The following BCAR1 variants were observed in gnomAD, a reference collection of about 807,000 sequenced individuals.
The protein encoded by BCAR1 is BCAR1 scaffold protein, Cas family member.
In BCAR1, 30 loss-of-function variants were observed where a neutral mutation model predicts 67.6. The observed-to-expected ratio is 0.44, with a 90% CI of 0.33 to 0.60. The LOEUF (loss-of-function observed/expected upper bound fraction) is 0.60, where lower values mean the gene tolerates loss of function less well. Among genes scored for constraint, BCAR1 ranks in the 20% least tolerant of loss-of-function variants. BCAR1 has a pLI of 0.02. For missense variants in BCAR1, 1,313 were observed against 1,222.3 expected, an observed-to-expected ratio of 1.07 and a Z score of -1.11; for synonymous variants, 626 against 556.7, an observed-to-expected ratio of 1.12 and a Z score of -1.75.
intron 2 of BCAR1, among the ~76,000 whole-genome samples, chr16:75,241,278 T>C (rs2077330951): frequency 6.6e-6 from 1 of 152,172 alleles, no homozygotes; most frequent in Non-Finnish European, 1.5e-5. Flanking sequence ...TGCAGATATG[T>C]GCATGTATTC....
intron 2 of BCAR1, 79 bp from the exon 3 acceptor site, chr16:75,237,423 C>G: frequency 2.9e-6 from 4 of 1,389,450 alleles, no homozygotes; most frequent in Non-Finnish European, 3.7e-6. Context: ...GGAGCCACGT[C>G]CTTTTAGGAG....
chr16:75,239,501 G>C (rs879609899), intron 2 of BCAR1, among the ~76,000 whole-genome samples: 1 of 152,216 alleles, frequency 6.6e-6, no homozygotes. Context: ...GGGCCCCAGA[G>C]GCAGGTGTCA....
chr16:75,248,189 G>A, intron 1 of BCAR1: 1 of 1,569,648 alleles, frequency 6.4e-7, no homozygotes, highest in Non-Finnish European at 8.6e-7. Context: ...TCTCCACCGA[G>A]GGGTGACGCC....
intron 2 of BCAR1, among the ~76,000 whole-genome samples, chr16:75,242,257 C>T (rs1206469464): frequency 6.6e-6 from 1 of 152,212 alleles, no homozygotes; most frequent in South Asian, 2.1e-4. Flanking sequence ...TGGCTGAGGC[C>T]AGCGGAGCAT....
intron 5 of BCAR1, 147 bp downstream of exon 5, chr16:75,234,742 G>C (rs1232834480): frequency 1.7e-5 from 21 of 1,257,704 alleles, no homozygotes; most frequent in Non-Finnish European, 2.2e-5. Flanking sequence ...CTAGCACATG[G>C]GGCCAATGTG....
At chr16:75,250,968 G>C (rs1338691216) in intron 1 of BCAR1, 1 of 985,456 alleles carries the variant, frequency 1.0e-6, no homozygotes, top group African/African-American at 1.7e-5. Context: ...GGGTGCTCCG[G>C]CTGCGCAGCC....
chr16:75,264,450 C>T, intron 1 of BCAR1: 1 of 1,510,318 alleles, frequency 6.6e-7, no homozygotes, highest in Non-Finnish European at 8.8e-7. Context: ...CAGAGAAGTC[C>T]AGAACTTTCC....
chr16:75,259,480 T>C (rs1223165865), intron 1 of BCAR1, among the ~76,000 whole-genome samples: 1 of 151,460 alleles, frequency 6.6e-6, no homozygotes, highest in Non-Finnish European at 1.5e-5. Context: ...ACACTAAAGG[T>C]AGAGACAGAT....
intron 1 of BCAR1, chr16:75,264,344 G>T (rs566541901): frequency 5.8e-5 from 88 of 1,517,942 alleles, no homozygotes; most frequent in Non-Finnish European, 7.5e-5. Flanking sequence ...CTACTGCCCT[G>T]GGATACCGGC....
At position 75,237,353 on chromosome 16, in the gene BCAR1, A is replaced by T. The variant is rs1484898750; in HGVS notation, c.634-9T>A. On this transcript the variant is annotated splice_polypyrimidine_tract_variant and intron_variant, in intron 2 of 6. Coordinates refer to ENST00000162330, the MANE Select transcript of BCAR1 (RefSeq NM_014567.5). ...CGGGTGGGCACCACCACCTGGGGGC[A>T]GAGAGCCGACTTCACTGCTGCCCTC... The T allele has an allele frequency of 6.8e-7, 1 of 1,461,568 alleles. No individual in the cohort carries two copies. Among genetic ancestry groups the T allele is most frequent in the South Asian group, 1.5e-5 (1 of 68,780 alleles). 90.5% of individuals were successfully genotyped at this position (1,461,568 alleles called of 1,614,324 possible).
At chr16:75,231,885 G>A (rs936302421) in intron 6 of BCAR1, among the ~76,000 whole-genome samples, 5 of 152,184 alleles carry the variant, frequency 3.3e-5, no homozygotes, top group African/African-American at 7.2e-5. Flanking sequence ...TATTTCAGGA[G>A]GTTTTTTGTT....
chr16:75,236,961 T>C lies in BCAR1; in HGVS notation c.833A>G (p.Asn278Ser), dbSNP rs148788663. ...CACCTCCAGCAACGGGTCTCGGCCA[T>C]TGGGACCCTTGACAGCCATGGGGGG... ...DTPPMAVKGP[N>S]GRDPLLEVYD... is the part of the protein sequence containing the mutation. Residue 278 changes from asparagine to serine, a missense_variant, in exon 4 of 7, where the codon AAT (asparagine) becomes AGT (serine). By Grantham distance (46) the Asn-to-Ser change is conservative (BLOSUM62 1). This residue lies in a region of BCAR1 where 1,272 missense variants were observed against 1,137.5 expected (regional missense o/e 1.12). Transcript: ENST00000162330. The C allele has an allele frequency of 2.5e-4, 399 of 1,610,290 alleles. No homozygotes were observed. The highest frequency in any genetic ancestry group is 1.2e-3 in the East Asian group (54 of 44,828).
Position 75,238,019 on chromosome 16 carries a change from C to A in BCAR1, c.634-675G>T, listed in dbSNP as rs528415724. The stretch of plus-strand genomic sequence containing the variant: ...TGCCTGCAGCAGGTAAGATCCCCAG[C>A]GACCTGAAAGGATGAGGCCTAGTGG... On this transcript the variant is annotated intron_variant, in intron 2 of 6. Coordinates refer to ENST00000162330, the MANE Select transcript of BCAR1 (RefSeq NM_014567.5). The A allele has an allele frequency of 3.9e-5, 50 of 1,286,556 alleles. 1 individual carries two copies. In the South Asian group the frequency reaches 4.6e-4, roughly 12 times the overall value. 79.7% of individuals were successfully genotyped at this position (1,286,556 alleles called of 1,614,324 possible).
At chr16:75,244,176 T>C (rs1037496385) in intron 1 of BCAR1, among the ~76,000 whole-genome samples, 12 of 152,194 alleles carry the variant, frequency 7.9e-5, no homozygotes, top group African/African-American at 2.7e-4. Flanking sequence ...TGGGCTGCCC[T>C]GCAAGGTCCC....
chr16:75,235,206 C>G lies in BCAR1; in HGVS notation c.1693G>C (p.Gly565Arg). ...LVAHGQALDA[G>R]RGGSGATLED... is the part of the protein sequence containing the mutation. ...AGGGTGGCTCCAGAGCCTCCCCGGC[C>G]AGCGTCGAGGGCCTGACCATGTGCC... Residue 565 changes from glycine (G) to arginine (R), a missense_variant, in exon 5 of 7, where the codon GGC becomes CGC. This residue lies in a region of BCAR1 where 1,272 missense variants were observed against 1,137.5 expected (regional missense o/e 1.12). Coordinates refer to ENST00000162330, the MANE Select transcript of BCAR1 (RefSeq NM_014567.5). The G allele has an allele frequency of 6.2e-7, 1 of 1,608,396 alleles. No individual in the cohort carries two copies. Among genetic ancestry groups the G allele is most frequent in the Non-Finnish European group, 8.5e-7 (1 of 1,178,332 alleles).
At chr16:75,230,404 C>T (rs969430031) in intron 6 of BCAR1, among the ~76,000 whole-genome samples, 1 of 152,016 alleles carries the variant, frequency 6.6e-6, no homozygotes, top group African/African-American at 2.4e-5. Flanking sequence ...ACCCCTCGAC[C>T]CTATCTTTGC....
chr16:75,237,494 C>T (rs1052919405), intron 2 of BCAR1, 150 bp from the exon 3 acceptor site: 1 of 948,380 alleles, frequency 1.1e-6, no homozygotes, highest in African/African-American at 1.7e-5. Context: ...TTCTCACCCC[C>T]TCTGCACCAT....
chr16:75,243,918 G>C (rs1399017523), intron 1 of BCAR1, among the ~76,000 whole-genome samples: 1 of 152,242 alleles, frequency 6.6e-6, no homozygotes, highest in Non-Finnish European at 1.5e-5. Flanking sequence ...GGCGCAGGAT[G>C]GGCCCAGAGA....
In BCAR1 at chr16:75,266,700, C is replaced by T. The variant is rs137981853; in HGVS notation, c.66+1215G>A. On this transcript the variant is annotated intron_variant, in intron 1 of 6. Transcript: ENST00000393422. ...CCGTTACATTTCATAGGCCCAGGCA[C>T]TGAGATCCCTCACCCACTCAAAGGA... 1.3e-3 allele frequency: 1,745 copies of T among 1,383,722 alleles called. 12 individuals carry two copies. The African/African-American group carries it at 0.023, about 18-fold the overall frequency. 85.7% of individuals were successfully genotyped at this position (1,383,722 alleles called of 1,614,324 possible).
Sources: allele counts gnomAD v4.1 joint callset (sites outside exome capture counted in the v4.1 genomes callset), GRCh38; gene constraint gnomAD v4.1.1; regional missense constraint gnomAD v4.1.1; transcripts MANE v1.5; gene names NCBI Gene and HGNC (gene_info 2026-07-23, HGNC 2026-07-21).